The following MAPK8 variants were observed in gnomAD, a reference collection of about 807,000 sequenced individuals.
MAPK8 encodes JUN N-terminal kinase.
In MAPK8, 13 loss-of-function variants were observed where a neutral mutation model predicts 52.9. That is an observed-to-expected ratio of 0.25 (90% CI 0.16 to 0.39). MAPK8 has a LOEUF of 0.39. MAPK8 is among the 10% of genes least tolerant of loss of function. The pLI is 1.00. For synonymous variants in MAPK8, 191 were observed against 169.8 expected (o/e 1.12, Z -0.97); for missense variants, 300 against 519.2 (o/e 0.58, Z 4.10).
chr10:48,364,241 C>T (rs945632133), intron 1 of MAPK8, among the ~76,000 whole-genome samples: 20 of 152,066 alleles, frequency 1.3e-4, no homozygotes, highest in Non-Finnish European at 2.5e-4. Flanking sequence ...GAGCTCACTG[C>T]GTTAATTCGT....
chr10:48,357,941 A>T (rs1370348742), intron 1 of MAPK8, among the ~76,000 whole-genome samples: 1 of 152,086 alleles, frequency 6.6e-6, no homozygotes, highest in Non-Finnish European at 1.5e-5. Flanking sequence ...TTTCATGTTA[A>T]TTGAATCATA....
At chr10:48,434,757 G>T (rs560204430) in intron 11 of MAPK8, 127 bp from the exon 12 acceptor site, 3 of 663,490 alleles carry the variant, frequency 4.5e-6, no homozygotes, top group Admixed American at 6.5e-5. Context: ...TATCATTTGC[G>T]ATTATTTTTA....
chr10:48,417,937 G>A (rs1016361116), intron 5 of MAPK8, among the ~76,000 whole-genome samples: 6 of 152,148 alleles, frequency 3.9e-5, no homozygotes, highest in East Asian at 1.9e-4. Context: ...CTTTTCTAGA[G>A]CAGGGTTCAA....
chr10:48,309,855 G>A (rs1197209483), intron 1 of MAPK8, among the ~76,000 whole-genome samples: 1 of 152,186 alleles, frequency 6.6e-6, no homozygotes, highest in Admixed American at 6.5e-5. Context: ...AATGGTATGG[G>A]TAGTAGCTTT....
At chr10:48,342,666 C>A (rs1234581053) in intron 1 of MAPK8, among the ~76,000 whole-genome samples, 1 of 152,096 alleles carries the variant, frequency 6.6e-6, no homozygotes, top group Admixed American at 6.5e-5. Context: ...GTATAATCAA[C>A]CTGTTGTTGA....
rs914910908 is a variant in MAPK8 at position 48,403,727 on chromosome 10, GTTTTTTGTTTTTTGT to G, written c.123-1111_123-1097del. ...AAAGCCAGCTCTCTGTTCAGATTTT[GTTTTTTGTTTTTTGT>G]TTTTTTGTTTTTTTGTTTTTTTTTG... On this transcript the variant is annotated intron_variant, in intron 2 of 11. Transcript: ENST00000374189. 7.3e-5 allele frequency among the ~76,000 whole-genome samples: 11 copies of G among 150,744 alleles called. No individual in the cohort carries two copies. In the East Asian group the frequency reaches 1.9e-3, roughly 27 times the overall value.
Position 48,409,887 on chromosome 10 carries a change from C to T in MAPK8, c.261C>T (p.Gly87=), listed in dbSNP as rs754614629. ...MKCVNHKNII[G]LLNVFTPQKS... The stretch of plus-strand genomic sequence containing the variant: ...CTCGACTTTTATTATAGATAATTGG[C>T]CTTTTGAATGTTTTCACACCACAGA... Residue 87 remains glycine, a synonymous_variant, in exon 4 of 12, where the codon GGC becomes GGT. Coordinates refer to ENST00000374189, the MANE Select transcript of MAPK8 (RefSeq NM_001323329.2). 8.7e-6 allele frequency: 14 copies of T among 1,605,220 alleles called. No individual in the cohort carries two copies. The African/African-American group carries it at 1.9e-4, about 21-fold the overall frequency.
chr10:48,387,909 G>A (rs980217883), intron 1 of MAPK8, among the ~76,000 whole-genome samples: 3 of 152,144 alleles, frequency 2.0e-5, no homozygotes, highest in African/African-American at 7.2e-5. Context: ...CGAGTCTAAA[G>A]TTAGTGTGTA....
rs139324974 is a variant in MAPK8, at chr10:48,325,617, C to T, written c.-50+18796C>T. Among the ~76,000 whole-genome samples the T allele has an allele frequency of 7.5e-3, 1,143 of 152,268 alleles. 17 individuals are homozygous for T. Among genetic ancestry groups the T allele is most frequent in the African/African-American group, 0.026 (1,079 of 41,548 alleles). The stretch of plus-strand genomic sequence containing the variant: ...ACCCAATTTCTCCTATAATTAACAT[C>T]GTATGTTTGCATGGCACATTTATTA... On this transcript the variant is annotated intron_variant, in intron 1 of 11. Coordinates refer to ENST00000374189, the MANE Select transcript of MAPK8 (RefSeq NM_001323329.2).
intron 1 of MAPK8, among the ~76,000 whole-genome samples, chr10:48,390,488 T>G (rs2041561809): frequency 6.6e-6 from 1 of 152,242 alleles, no homozygotes; most frequent in Non-Finnish European, 1.5e-5. Context: ...TACAGCTGTC[T>G]TAAATTCTGA....
chr10:48,422,474 C>CT (rs1382699315), intron 6 of MAPK8, among the ~76,000 whole-genome samples: 1 of 152,214 alleles, frequency 6.6e-6, no homozygotes, highest in Non-Finnish European at 1.5e-5. Flanking sequence ...GTGCATGAAT[C>CT]AGACTTATGT....
At chr10:48,384,641 AAAG>A (rs1429739947) in intron 1 of MAPK8, among the ~76,000 whole-genome samples, 1 of 152,226 alleles carries the variant, frequency 6.6e-6, no homozygotes, top group Non-Finnish European at 1.5e-5. Context: ...CTCTTCTAAA[AAAG>A]AAGGGTTTGA....
In MAPK8 at chr10:48,357,081, A is replaced by G. The variant is rs534205862; in HGVS notation, c.-49-44531A>G. ...TCCACATATTTAATGCTGTGACTAC[A>G]AAGTATATAATGCAAACAAAATACC... On this transcript the variant is annotated intron_variant, in intron 1 of 11. Coordinates refer to ENST00000374189, the MANE Select transcript of MAPK8 (RefSeq NM_001323329.2). Among the ~76,000 whole-genome samples, 5 of 152,306 alleles carry G rather than the reference A, an allele frequency of 3.3e-5. No homozygotes were observed. The South Asian group carries it at 1.0e-3, about 32-fold the overall frequency.
At chr10:48,310,559 A>C (rs1841879101) in intron 1 of MAPK8, among the ~76,000 whole-genome samples, 1 of 152,184 alleles carries the variant, frequency 6.6e-6, no homozygotes, top group Non-Finnish European at 1.5e-5. Flanking sequence ...TGGAAGACAT[A>C]AAATGAGTTC....
chr10:48,329,845 A>C (rs1471305689), intron 1 of MAPK8, among the ~76,000 whole-genome samples: 1 of 152,172 alleles, frequency 6.6e-6, no homozygotes, highest in Admixed American at 6.5e-5. Flanking sequence ...ATTAAGTAAA[A>C]CTTTCTGGTT....
At chr10:48,413,628 C>T (rs537549259) in intron 5 of MAPK8, among the ~76,000 whole-genome samples, 16 of 151,748 alleles carry the variant, frequency 1.1e-4, no homozygotes, top group African/African-American at 3.1e-4. Context: ...GCTATTTTGG[C>T]TGACATCACT....
At chr10:48,361,552 T>TA (rs1287356879) in intron 1 of MAPK8, among the ~76,000 whole-genome samples, 1 of 152,170 alleles carries the variant, frequency 6.6e-6, no homozygotes, top group East Asian at 1.9e-4. Flanking sequence ...CTTATACTTT[T>TA]AAAAAAGGAA....
At chr10:48,330,885 A>G (rs1844074209) in intron 1 of MAPK8, among the ~76,000 whole-genome samples, 1 of 152,054 alleles carries the variant, frequency 6.6e-6, no homozygotes, top group Non-Finnish European at 1.5e-5. Flanking sequence ...ATCACTTATC[A>G]TGACTTTATA....
At chr10:48,379,033 G>A (rs886132950) in intron 1 of MAPK8, among the ~76,000 whole-genome samples, 2 of 152,242 alleles carry the variant, frequency 1.3e-5, no homozygotes, top group African/African-American at 4.8e-5. Flanking sequence ...AGCAAGAGTA[G>A]TGATTGGTCA....
Sources: gnomAD v4.1 joint callset for allele counts (sites outside exome capture counted in the v4.1 genomes callset) on GRCh38, gnomAD v4.1.1 for gene constraint, MANE v1.5 for transcripts, NCBI Gene and HGNC (gene_info 2026-07-23, HGNC 2026-07-21) for gene names.